AKAP6: variants seen among roughly 807,000 people sequenced by gnomAD.
The protein encoded by AKAP6 is A-kinase anchoring protein 6.
A neutral mutation model predicts 188.5 loss-of-function variants in AKAP6; 58 were observed. That is an observed-to-expected ratio of 0.31 (90% confidence interval 0.25 to 0.38). The LOEUF (loss-of-function observed/expected upper bound fraction) is 0.38. Ranked by LOEUF, AKAP6 falls within the 10% of genes least tolerant of loss-of-function variation. The pLI, the probability that AKAP6 is intolerant of heterozygous loss-of-function variation, is 1.00. For synonymous variants in AKAP6, 989 were observed against 998.6 expected (o/e 0.99, Z 0.18); for missense variants, 2,710 against 2,740.0 (o/e 0.99, Z 0.24).
intron 1 of AKAP6, among the ~76,000 whole-genome samples, chr14:32,428,888 G>A (rs191565875): frequency 5.3e-5 from 8 of 152,144 alleles, no homozygotes; most frequent in Admixed American, 4.6e-4. Context: ...TTAAAAAAAA[G>A]CCTTAAAATC....
At chr14:32,486,713 T>G (rs1268460447) in intron 2 of AKAP6, among the ~76,000 whole-genome samples, 1 of 152,244 alleles carries the variant, frequency 6.6e-6, no homozygotes, top group African/African-American at 2.4e-5. Context: ...AAGGAGGTTT[T>G]GGGCTGAGAT....
At chr14:32,782,938 T>C (rs1423159741) in intron 12 of AKAP6, among the ~76,000 whole-genome samples, 1 of 151,838 alleles carries the variant, frequency 6.6e-6, no homozygotes, top group Non-Finnish European at 1.5e-5. Flanking sequence ...GCAAAGGACA[T>C]AGAATACCCA....
At chr14:32,452,949 T>C (rs1315639632) in intron 2 of AKAP6, among the ~76,000 whole-genome samples, 1 of 152,232 alleles carries the variant, frequency 6.6e-6, no homozygotes, top group Non-Finnish European at 1.5e-5. Context: ...ATAGTATTCA[T>C]ACTATGAAGC....
intron 7 of AKAP6, among the ~76,000 whole-genome samples, chr14:32,674,348 A>C (rs1889340812): frequency 6.6e-6 from 1 of 152,124 alleles, no homozygotes; most frequent in African/African-American, 2.4e-5. Context: ...ACTATAAGAG[A>C]AGAGATTAGA....
Position 32,422,439 on chromosome 14 carries a change from T to C in AKAP6, c.-34-11021T>C, listed in dbSNP as rs150294358. ...TAAGAGCCAGCCACAGGAAGGAACA[T>C]GTAGGGAAGAATCTGGGGCTGGGAG... On this transcript the variant is annotated intron_variant, in intron 1 of 13. Coordinates refer to ENST00000280979, the MANE Select transcript of AKAP6 (RefSeq NM_004274.5). Among the ~76,000 whole-genome samples, 7 of 152,322 alleles carry C rather than the reference T, an allele frequency of 4.6e-5. No homozygotes were observed. In the East Asian group the frequency reaches 7.7e-4, roughly 17 times the overall value.
chr14:32,472,052 G>A (rs1318906242), intron 2 of AKAP6, among the ~76,000 whole-genome samples: 1 of 151,686 alleles, frequency 6.6e-6, no homozygotes, highest in Non-Finnish European at 1.5e-5. Flanking sequence ...CGGATTCTGA[G>A]GCTCTGAGAT....
At chr14:32,351,494 A>G (rs1887265789) in intron 1 of AKAP6, among the ~76,000 whole-genome samples, 1 of 151,802 alleles carries the variant, frequency 6.6e-6, no homozygotes, top group East Asian at 1.9e-4. Flanking sequence ...CCCTGGAGGC[A>G]GAGGCTGTAG....
intron 4 of AKAP6, among the ~76,000 whole-genome samples, chr14:32,565,201 T>A (rs915041424): frequency 1.3e-5 from 2 of 152,212 alleles, no homozygotes; most frequent in Non-Finnish European, 2.9e-5. Flanking sequence ...CTTATACAAC[T>A]AGCTGTCTTA....
rs934573459 is a variant in AKAP6, at chr14:32,699,701, G to T, written c.3000+3591G>T. 2.8e-4 allele frequency among the ~76,000 whole-genome samples: 42 copies of T among 152,060 alleles called. 1 individual carries two copies. The highest frequency in any genetic ancestry group is 2.8e-3 in the Admixed American group (42 of 15,270). On this transcript the variant is annotated intron_variant, in intron 9 of 13. Coordinates refer to ENST00000280979, the MANE Select transcript of AKAP6 (RefSeq NM_004274.5). ...TATATCTATTTTCTAATGAACATTG[G>T]CAATATCGTCAGCCTAGAAAACACA...
intron 9 of AKAP6, among the ~76,000 whole-genome samples, chr14:32,709,738 G>A (rs1890961872): frequency 6.6e-6 from 1 of 151,972 alleles, no homozygotes; most frequent in Admixed American, 6.6e-5. Context: ...TATTTCTAGT[G>A]TAAATCCTCT....
At chr14:32,762,425 C>T (rs2032570358) in intron 11 of AKAP6, among the ~76,000 whole-genome samples, 1 of 152,012 alleles carries the variant, frequency 6.6e-6, no homozygotes, top group Admixed American at 6.6e-5. Context: ...GAACTAAACA[C>T]TGAGCTTGAC....
chr14:32,823,361 A>G lies in AKAP6; in HGVS notation c.5548A>G (p.Asn1850Asp). The G allele has an allele frequency of 6.2e-7, 1 of 1,613,888 alleles. No homozygotes were observed. The highest frequency in any genetic ancestry group is 8.5e-7 in the Non-Finnish European group (1 of 1,179,912). ...SDTLNIETLL[N>D]GSVKRVSENN... is the part of the protein sequence containing the mutation. The stretch of plus-strand genomic sequence containing the variant: ...TACTCTGAATATTGAGACCCTTCTA[A>G]ATGGCTCTGTAAAACGTGTCTCTGA... The change falls in exon 13 of 14, where the codon AAT becomes GAT. Residue 1850 changes from asparagine (N) to aspartate (D), a missense_variant. Physicochemically the swap from Asn to Asp is conservative, Grantham distance 23. Transcript: ENST00000280979.
At chr14:32,355,603 C>CT (rs1887455791) in intron 1 of AKAP6, among the ~76,000 whole-genome samples, 1 of 151,952 alleles carries the variant, frequency 6.6e-6, no homozygotes, top group Non-Finnish European at 1.5e-5. Context: ...AATATTTGTG[C>CT]TTTTTTATTA....
intron 2 of AKAP6, among the ~76,000 whole-genome samples, chr14:32,451,680 A>G (rs1890938010): frequency 6.6e-6 from 1 of 152,220 alleles, no homozygotes; most frequent in African/African-American, 2.4e-5. Context: ...AAAATAACAC[A>G]TAAAATATCT....
chr14:32,491,775 A>G (rs1037958834), intron 2 of AKAP6, among the ~76,000 whole-genome samples: 3 of 152,248 alleles, frequency 2.0e-5, no homozygotes, highest in African/African-American at 7.2e-5. Flanking sequence ...CATCCATATT[A>G]GGTTGTACAA....
At chr14:32,763,387 G>A (rs2032603051) in intron 11 of AKAP6, among the ~76,000 whole-genome samples, 1 of 152,044 alleles carries the variant, frequency 6.6e-6, no homozygotes, top group South Asian at 2.1e-4. Context: ...AACTAGAAAA[G>A]TTTCATAAAC....
intron 7 of AKAP6, among the ~76,000 whole-genome samples, chr14:32,641,493 A>C (rs1037144257): frequency 1.3e-5 from 2 of 151,322 alleles, no homozygotes; most frequent in African/African-American, 4.8e-5. Context: ...AAAAAAGAAA[A>C]GAAAAGAAAA....
intron 3 of AKAP6, among the ~76,000 whole-genome samples, chr14:32,540,162 CTCTCTCTATATATA>C (rs1481243974): frequency 2.9e-5 from 3 of 105,242 alleles, no homozygotes; most frequent in Admixed American, 1.0e-4. Context: ...CTCTCTCTCT[CTCTCTCTATATATA>C]TATATATATA....
rs2034797771 is a variant in AKAP6, at chr14:32,830,383, T to G, written c.*578T>G. The G allele has an allele frequency of 6.3e-6, 1 of 157,574 alleles. No homozygotes were observed. The highest frequency in any genetic ancestry group is 2.4e-5 in the African/African-American group (1 of 41,622). The allele number at this position is 157,574 out of a possible 1,614,324, so 9.8% of individuals were successfully genotyped here. A position where few individuals can be genotyped will look rare whatever the true frequency, so the allele number is the denominator to read the frequency against. ...TTAAGCAACTATTAAAAGCGCCATT[T>G]TATTTATTTCATTTAAAAAATAATC... On this transcript the variant is annotated 3_prime_UTR_variant, in exon 14 of 14. Transcript: ENST00000280979.
Sources: allele counts gnomAD v4.1 joint callset (sites outside exome capture counted in the v4.1 genomes callset), GRCh38; gene constraint gnomAD v4.1.1; transcripts MANE v1.5; gene names NCBI Gene and HGNC (gene_info 2026-07-23, HGNC 2026-07-21).